Variants in MGST1 observed in about 807,000 individuals in gnomAD.
MGST1 encodes the protein microsomal glutathione S-transferase 1, also known as glutathione S-transferase 12.
A neutral mutation model predicts 8.9 loss-of-function variants in MGST1; 5 were observed. The observed-to-expected ratio is 0.56, with a 90% CI of 0.29 to 1.19. The LOEUF (loss-of-function observed/expected upper bound fraction) is 1.19, where lower values mean the gene tolerates loss of function less well. MGST1 is among the 50% of genes most tolerant of loss of function. The pLI is 0.08. For synonymous variants in MGST1, 54 were observed against 67.8 expected (o/e 0.80, Z 1.00); for missense variants, 182 against 187.4 (o/e 0.97, Z 0.17).
intron 1 of MGST1, among the ~76,000 whole-genome samples, chr12:16,424,062 C>T (rs1018192083): frequency 6.6e-6 from 1 of 152,198 alleles, no homozygotes. Flanking sequence ...GTGTCTTTCT[C>T]TCTGCAACTA....
intron 3 of MGST1, among the ~76,000 whole-genome samples, chr12:16,371,397 C>G (rs1940290525): frequency 1.3e-5 from 2 of 152,050 alleles, no homozygotes; most frequent in South Asian, 4.2e-4. Flanking sequence ...AGTTTGCATT[C>G]CAAAGGAAAT....
At chr12:16,441,423 T>A (rs1486798135), downstream of MGST1, among the ~76,000 whole-genome samples, 1 of 151,918 alleles carries the variant, frequency 6.6e-6, no homozygotes, top group African/African-American at 2.4e-5. Flanking sequence ...TGTTATGATA[T>A]CTATCCACTA....
Position 16,560,556 on chromosome 12 carries a change from T to C in MGST1, n.483-28972T>C, listed in dbSNP as rs538056260. On this transcript the variant is annotated intron_variant and non_coding_transcript_variant, in intron 4 of 4. Transcript: ENST00000538857. This position sits in a 1 kb window ranked among gnomAD's most constrained non-coding sequence, Gnocchi z 5.0. ...CAAAGAGCCTAGAATAAGAAACATT[T>C]TTTTTTTTTTACAAACTCTTACAGA... is the stretch of plus-strand genomic sequence containing the variant. The C allele has an allele frequency of 6.3e-7, 1 of 1,594,988 alleles. No individual in the cohort carries two copies. Among genetic ancestry groups the C allele is most frequent in the African/African-American group, 1.4e-5 (1 of 72,848 alleles).
chr12:16,448,065 C>A (rs1010673112), intron 4 of MGST1, among the ~76,000 whole-genome samples: 2 of 151,226 alleles, frequency 1.3e-5, no homozygotes, highest in African/African-American at 4.9e-5. Flanking sequence ...TCGAGATATC[C>A]AATGAAGCTT....
intron 1 of MGST1, among the ~76,000 whole-genome samples, chr12:16,433,677 A>G (rs780252135): frequency 1.2e-4 from 18 of 152,068 alleles, no homozygotes; most frequent in Admixed American, 3.3e-4. Context: ...AACCTCATGG[A>G]AACATTCAGA....
At chr12:16,472,023 C>G (rs1941292325) in intron 4 of MGST1, among the ~76,000 whole-genome samples, 1 of 152,062 alleles carries the variant, frequency 6.6e-6, no homozygotes, top group South Asian at 2.1e-4. Flanking sequence ...CTGTTTGGTG[C>G]CCCCTGTTCA....
At chr12:16,433,211 C>T (rs1015219681) in intron 1 of MGST1, among the ~76,000 whole-genome samples, 13 of 151,966 alleles carry the variant, frequency 8.6e-5, no homozygotes, top group African/African-American at 2.2e-4. Context: ...AATCTTTCTA[C>T]GTTCTTCTGC....
chr12:16,455,815 T>C (rs1941167495), intron 4 of MGST1, among the ~76,000 whole-genome samples: 2 of 151,910 alleles, frequency 1.3e-5, no homozygotes, highest in Non-Finnish European at 2.9e-5. Flanking sequence ...TGCAATCATC[T>C]GTTTCAAAAA....
intron 4 of MGST1, chr12:16,551,383 A>T (rs561826007): frequency 1.9e-6 from 2 of 1,043,384 alleles, no homozygotes; most frequent in Admixed American, 1.8e-5. Context: ...TGGATCTAGA[A>T]ATTTGAAGAT....
rs555009456 is a variant in MGST1, at chr12:16,490,650, C to G, written n.483-98878C>G. On this transcript the variant is annotated intron_variant and non_coding_transcript_variant, in intron 4 of 4. Coordinates refer to the MGST1 transcript ENST00000538857. ...TTTGCATATAATGATATCATTTGAT[C>G]TTTATACAAACCTATGAAGCTGGTA... Among the ~76,000 whole-genome samples the G allele has an allele frequency of 1.6e-4, 25 of 152,196 alleles. No homozygotes were observed. In the East Asian group the frequency reaches 3.3e-3, roughly 20 times the overall value.
Position 16,354,239 on chromosome 12 carries a change from C to T in MGST1, c.-14C>T. ...ATTTAAATCTTTTTAAGATTCCAGA[C>T]CAAAATTGAAAAAATGGTTGACCTC... On this transcript the variant is annotated 5_prime_UTR_variant, in exon 2 of 4. Transcript: ENST00000396210. 6.4e-7 allele frequency: 1 copy of T among 1,566,456 alleles called. No individual in the cohort carries two copies. The highest frequency in any genetic ancestry group is 8.6e-7 in the Non-Finnish European group (1 of 1,160,502).
At position 16,517,477 on chromosome 12, in the gene MGST1, T is replaced by C; in HGVS notation, n.483-72051T>C. 6.6e-6 allele frequency among the ~76,000 whole-genome samples: 1 copy of C among 152,204 alleles called. No homozygotes were observed. The highest frequency in any genetic ancestry group is 1.5e-5 in the Non-Finnish European group (1 of 68,030). Reference sequence around the variant, plus strand: ...GCCTGTACTAGATGAGGATCCTTGATCTTGGACTTGCCAGCCTCCAAAATC... The same window carrying C: ...GCCTGTACTAGATGAGGATCCTTGACCTTGGACTTGCCAGCCTCCAAAATC... On this transcript the variant is annotated intron_variant and non_coding_transcript_variant, in intron 4 of 4. Coordinates refer to the MGST1 transcript ENST00000538857. This position sits in a 1 kb window ranked among gnomAD's most constrained non-coding sequence, Gnocchi z 4.2.
intron 4 of MGST1, among the ~76,000 whole-genome samples, chr12:16,530,678 A>C (rs1941717217): frequency 6.6e-6 from 1 of 152,134 alleles, no homozygotes; most frequent in African/African-American, 2.4e-5. Context: ...AGACAGACTC[A>C]ATGAGCTGGC....
chr12:16,376,058 G>T, intron 3 of MGST1: 1 of 1,133,360 alleles, frequency 8.8e-7, no homozygotes, highest in Non-Finnish European at 1.2e-6. Context: ...TATTTTATGT[G>T]TTCACGTGTG....
At chr12:16,488,313 C>T (rs1941413655) in intron 4 of MGST1, among the ~76,000 whole-genome samples, 1 of 152,140 alleles carries the variant, frequency 6.6e-6, no homozygotes, top group East Asian at 1.9e-4. Context: ...ATACTTAGAG[C>T]ATGTAAGACC....
At chr12:16,563,721 C>CCTA (rs1220211266) in intron 4 of MGST1, among the ~76,000 whole-genome samples, 1 of 152,012 alleles carries the variant, frequency 6.6e-6, no homozygotes, top group East Asian at 1.9e-4. Context: ...GATAAGAGGG[C>CCTA]CTAAGAGTTC....
chr12:16,544,929 T>A lies in MGST1; in HGVS notation n.483-44599T>A, dbSNP rs1941814728. On this transcript the variant is annotated intron_variant and non_coding_transcript_variant, in intron 4 of 4. Transcript: ENST00000538857. The surrounding 1 kb of genome is among the most constrained non-coding windows in gnomAD (Gnocchi z 4.8). ...TCTTGTGCCCCAACCAAGGTTCATA[T>A]CGTCAATAACACAGATCCTGTAAGT... Among the ~76,000 whole-genome samples the A allele has an allele frequency of 6.6e-6, 1 of 152,066 alleles. No individual in the cohort carries two copies.
rs1940734951 is a variant in MGST1 at position 16,410,680 on chromosome 12, T to C, written n.779-26708T>C. On this transcript the variant is annotated intron_variant and non_coding_transcript_variant, in intron 1 of 1. Coordinates refer to the MGST1 transcript ENST00000359720. The surrounding 1 kb of genome is among the most constrained non-coding windows in gnomAD (Gnocchi z 4.4). ...TAAACATACATAATCAAATATATAA[T>C]ATAAATATATAATATAATATATAAA... is the stretch of plus-strand genomic sequence containing the variant. Among the ~76,000 whole-genome samples the C allele has an allele frequency of 6.8e-6, 1 of 148,060 alleles. No individual in the cohort carries two copies. The highest frequency in any genetic ancestry group is 1.5e-5 in the Non-Finnish European group (1 of 67,208).
chr12:16,352,369 G>A (rs894431243), intron 1 of MGST1, among the ~76,000 whole-genome samples: 1 of 152,082 alleles, frequency 6.6e-6, no homozygotes, highest in African/African-American at 2.4e-5. Context: ...TAGGTGTCAG[G>A]CTAATAAGGA....
Sources: allele counts gnomAD v4.1 joint callset (sites outside exome capture counted in the v4.1 genomes callset), GRCh38; gene constraint gnomAD v4.1.1; non-coding constraint Gnocchi (gnomAD v3.1); transcripts MANE v1.5; gene names NCBI Gene and HGNC (gene_info 2026-07-23, HGNC 2026-07-21).